The following COL18A1 variants were observed in gnomAD, a reference collection of about 807,000 sequenced individuals.
COL18A1 encodes collagen type XVIII alpha 1 chain.
In COL18A1, 133 loss-of-function variants were observed where a neutral mutation model predicts 168.0. The observed-to-expected ratio is 0.79, with a 90% CI of 0.69 to 0.91. COL18A1 has a LOEUF of 0.91. COL18A1 is among the 40% of genes least tolerant of loss of function. The probability of loss-of-function intolerance (pLI) is 0.00; values close to 1 mark genes in which losing one functional copy is unlikely to be tolerated. For missense variants in COL18A1, 2,126 were observed against 1,925.4 expected (o/e 1.10, Z -1.95); for synonymous variants, 949 against 809.0 (o/e 1.17, Z -2.94).
At chr21:45,510,763 G>A (rs1435788983) in intron 40 of COL18A1, among the ~76,000 whole-genome samples, 4 of 152,176 alleles carry the variant, frequency 2.6e-5, no homozygotes. Context: ...CAGCAGAGGG[G>A]TCAGAGACCC....
At chr21:45,505,990 C>T (rs1478562410) in intron 37 of COL18A1, 24 bp downstream of exon 37, 1 of 1,612,826 alleles carries the variant, frequency 6.2e-7, no homozygotes, top group African/African-American at 1.3e-5. Context: ...GTGACGGGTT[C>T]TGGACCCGTG....
Position 45,496,564 on chromosome 21 carries a change from G to A in COL18A1, c.2573G>A (p.Ser858Asn). ...CCTCCAGGGACTCCTGTTTACGACA[G>A]CAATGTAAGTCCCCAGGGCACCCAC... ...PGPPGTPVYD[S>N]NVFAESSRPG... The change falls in exon 30 of 42, where the codon AGC (serine) becomes AAC (asparagine). Residue 858 changes from serine (S) to asparagine (N), a missense_variant. By Grantham distance (46) the Ser-to-Asn change is conservative. Coordinates refer to ENST00000651438, the MANE Select transcript of COL18A1 (RefSeq NM_001379500.1). 6.9e-7 allele frequency: 1 copy of A among 1,457,254 alleles called. No individual in the cohort carries two copies. Among genetic ancestry groups the A allele is most frequent in the Non-Finnish European group, 9.6e-7 (1 of 1,037,918 alleles). The allele number at this position is 1,457,254 out of a possible 1,614,324, so 90.3% of individuals were successfully genotyped here. A position where few individuals can be genotyped will look rare whatever the true frequency, so the allele number is the denominator to read the frequency against.
At position 45,505,428 on chromosome 21, in the gene COL18A1, AG is replaced by A. The variant is rs2146083401; in HGVS notation, c.3087+1del. 2 of 1,539,204 alleles carry A rather than the reference AG, an allele frequency of 1.3e-6. No homozygotes were observed. The highest frequency in any genetic ancestry group is 8.9e-7 in the Non-Finnish European group (1 of 1,124,152). The part of the protein sequence containing the change: ...GPPGTMGASS[G>X]VRLWATRQAM... ...CCCCTGGAACCATGGGCGCCTCCTC[AG>A]GGGTAAGTGTCTGGGCAGCCGGCTG... is the stretch of plus-strand genomic sequence containing the variant. On this transcript the variant is annotated frameshift_variant and splice_region_variant, in exon 36 of 42. Coordinates refer to ENST00000651438, the MANE Select transcript of COL18A1 (RefSeq NM_001379500.1). LOFTEE classifies it high-confidence loss of function.
intron 29 of COL18A1, 102 bp from the exon 30 acceptor site, chr21:45,496,398 G>A (rs780455936): frequency 1.3e-6 from 1 of 780,462 alleles, no homozygotes. Flanking sequence ...AGGTCTGCCT[G>A]GTCAGGTTTC....
In COL18A1 at chr21:45,468,750, G is replaced by C; in HGVS notation, c.615G>C (p.Val205=). ...LELEPGAGLF[V]AQAGGADPDK... is the part of the protein sequence containing the mutation. ...TGGAGCCTGGCGCCGGGCTCTTCGT[G>C]GCTCAGGCGGGGGGAGCGGACCCTG... Residue 205 remains valine, a synonymous_variant, in exon 3 of 42, where the codon GTG becomes GTC. Coordinates refer to ENST00000651438, the MANE Select transcript of COL18A1 (RefSeq NM_001379500.1). 1.2e-6 allele frequency: 2 copies of C among 1,607,650 alleles called. No individual in the cohort carries two copies. Among genetic ancestry groups the C allele is most frequent in the Non-Finnish European group, 1.7e-6 (2 of 1,179,658 alleles).
At position 45,480,685 on chromosome 21, in the gene COL18A1, T is replaced by C. The variant is rs2035860805; in HGVS notation, c.1453-15T>C. 6.2e-7 allele frequency: 1 copy of C among 1,610,728 alleles called. No homozygotes were observed. Among genetic ancestry groups the C allele is most frequent in the Admixed American group, 1.7e-5 (1 of 60,002 alleles). On this transcript the variant is annotated splice_polypyrimidine_tract_variant and intron_variant, in intron 12 of 41. Coordinates refer to ENST00000651438, the MANE Select transcript of COL18A1 (RefSeq NM_001379500.1). Reference sequence around the variant, plus strand: ...GCCACATGGGCTGTGACTATCTGTGTTCGCCCACGTCCAGGGTCCTCGAGG... The same window carrying C: ...GCCACATGGGCTGTGACTATCTGTGCTCGCCCACGTCCAGGGTCCTCGAGG...
intron 2 of COL18A1, chr21:45,456,924 T>C (rs2145856607): frequency 7.2e-7 from 1 of 1,379,846 alleles, no homozygotes; most frequent in Non-Finnish European, 9.5e-7. Flanking sequence ...CCTTTTTGCC[T>C]TGCCAGGTAA....
At chr21:45,479,862 G>C (rs772315442) in intron 9 of COL18A1, 40 bp from the exon 10 acceptor site, 1 of 1,612,426 alleles carries the variant, frequency 6.2e-7, no homozygotes, top group East Asian at 2.2e-5. Flanking sequence ...GGCCCATGGT[G>C]GTGCCTTCCC....
chr21:45,474,635 C>T (rs2035573220), intron 4 of COL18A1, among the ~76,000 whole-genome samples: 1 of 150,248 alleles, frequency 6.7e-6, no homozygotes, highest in African/African-American at 2.5e-5. Flanking sequence ...GAGAATCCCC[C>T]AGCCCCAGGT....
At chr21:45,478,075 A>G (rs1410098834) in intron 8 of COL18A1, 110 bp downstream of exon 8, 12 of 754,908 alleles carry the variant, frequency 1.6e-5, no homozygotes, top group Non-Finnish European at 2.4e-5. Flanking sequence ...GGATCGGGGC[A>G]GGTCAGCAGC....
rs1022588676 is a variant in COL18A1, at chr21:45,471,022, G to A, written c.651+2236G>A. Among the ~76,000 whole-genome samples, 2 of 139,770 alleles carry A rather than the reference G, an allele frequency of 1.4e-5. No homozygotes were observed. Among genetic ancestry groups the A allele is most frequent in the Non-Finnish European group, 3.0e-5 (2 of 66,204 alleles). 91.7% of individuals were successfully genotyped at this position (139,770 alleles called of 152,430 possible). A position where few individuals can be genotyped will look rare whatever the true frequency, so the allele number is the denominator to read the frequency against. On this transcript the variant is annotated intron_variant, in intron 3 of 41. Coordinates refer to ENST00000651438, the MANE Select transcript of COL18A1 (RefSeq NM_001379500.1). The surrounding 1 kb of genome is among the most constrained non-coding windows in gnomAD (Gnocchi z 4.4). ...CTGCTGGGCCTGGGTGGCGTGCTAC[G>A]GGCTTGTGCTGCTGGGTGTGGGTGG... is the stretch of plus-strand genomic sequence containing the variant.
At chr21:45,441,083 C>T (rs1302258871) in intron 2 of COL18A1, among the ~76,000 whole-genome samples, 3 of 152,220 alleles carry the variant, frequency 2.0e-5, no homozygotes, top group East Asian at 3.9e-4. Context: ...CTCTGCCCAC[C>T]GCCTCACATG....
intron 2 of COL18A1, chr21:45,408,186 C>T (rs897923201): frequency 1.3e-5 from 2 of 152,302 alleles, no homozygotes; most frequent in Admixed American, 1.3e-4. Context: ...AGGCGCCAGA[C>T]ACTGGGGGCC....
Position 45,504,026 on chromosome 21 carries a change from A to G in COL18A1, c.2699A>G (p.Asp900Gly). Residue 900 changes from aspartate to glycine, a missense_variant, in exon 33 of 42, where the codon GAC becomes GGC. Physicochemically the swap from Asp to Gly is moderately conservative, Grantham distance 94. Coordinates refer to ENST00000651438, the MANE Select transcript of COL18A1 (RefSeq NM_001379500.1). The part of the protein sequence containing the change: ...PPGPPGQFPF[D>G]FLQLEAEMKG... ...TCTCTTGCAGGGCAGTTTCCGTTTGACTTTCTTCAGTTGGAGGCTGAAATG... is the reference window on the plus strand; with the variant it reads ...TCTCTTGCAGGGCAGTTTCCGTTTGGCTTTCTTCAGTTGGAGGCTGAAATG... 6.2e-7 allele frequency: 1 copy of G among 1,613,498 alleles called. No homozygotes were observed. The highest frequency in any genetic ancestry group is 8.5e-7 in the Non-Finnish European group (1 of 1,179,940).
At chr21:45,419,060 G>T (rs1198790082) in intron 2 of COL18A1, among the ~76,000 whole-genome samples, 1 of 152,238 alleles carries the variant, frequency 6.6e-6, no homozygotes, top group Non-Finnish European at 1.5e-5. Context: ...CCCAGTGTCA[G>T]TGGCGGGTCA....
At chr21:45,468,109 G>C in intron 2 of COL18A1, 133 bp from the exon 3 acceptor site, 1 of 942,600 alleles carries the variant, frequency 1.1e-6, no homozygotes, top group East Asian at 2.6e-5. Flanking sequence ...AGGGCAGGCT[G>C]CCAGGCACGT....
Position 45,471,565 on chromosome 21 carries a change from C to T in COL18A1, c.652-2330C>T, listed in dbSNP as rs2035429823. Among the ~76,000 whole-genome samples the T allele has an allele frequency of 6.6e-6, 1 of 152,144 alleles. No homozygotes were observed. Among genetic ancestry groups the T allele is most frequent in the Non-Finnish European group, 1.5e-5 (1 of 68,026 alleles). On this transcript the variant is annotated intron_variant, in intron 3 of 41. Transcript: ENST00000651438. The surrounding 1 kb of genome is among the most constrained non-coding windows in gnomAD (Gnocchi z 4.4). ...CGGCCGCAGCTGGGTCCAACAGAGC[C>T]CTCCGGAGCATTGGTTGTGTTCCTC...
At chr21:45,485,700 C>A (rs922727519) in intron 15 of COL18A1, among the ~76,000 whole-genome samples, 2 of 152,134 alleles carry the variant, frequency 1.3e-5, no homozygotes, top group Non-Finnish European at 2.9e-5. Context: ...AGGGAGGAGA[C>A]AGGAGGCAGT....
chr21:45,481,317 C>T (rs1025597333), intron 13 of COL18A1, among the ~76,000 whole-genome samples: 9 of 152,296 alleles, frequency 5.9e-5, no homozygotes, highest in Admixed American at 3.3e-4. Context: ...TCATGACTGG[C>T]AGCAGGTGCC....
Sources: gnomAD v4.1 joint callset for allele counts (sites outside exome capture counted in the v4.1 genomes callset) on GRCh38, gnomAD v4.1.1 for gene constraint, Gnocchi (gnomAD v3.1) non-coding constraint, MANE v1.5 for transcripts, NCBI Gene and HGNC (gene_info 2026-07-23, HGNC 2026-07-21) for gene names.